The following SLIT3 variants were observed in gnomAD, a reference collection of about 807,000 sequenced individuals.
SLIT3 encodes the protein slit homolog 3 protein.
Under a neutral mutation model 184.0 loss-of-function variants are expected in SLIT3, and 68 were observed. The observed-to-expected ratio is 0.37, with a 90% CI of 0.30 to 0.45. SLIT3 has a LOEUF of 0.45. Among genes scored for constraint, SLIT3 ranks in the 20% least tolerant of loss-of-function variants. SLIT3 has a pLI of 1.00. For synonymous variants in SLIT3, 831 were observed against 828.6 expected, an observed-to-expected ratio of 1.00 and a Z score of -0.05; for missense variants, 1,707 against 2,026.0, an observed-to-expected ratio of 0.84 and a Z score of 3.02.
At chr5:169,196,727 C>A (rs1021710148) in intron 3 of SLIT3, among the ~76,000 whole-genome samples, 2 of 152,162 alleles carry the variant, frequency 1.3e-5, no homozygotes. Context: ...CTACTCAAAG[C>A]CTTTCAATAA....
chr5:169,118,149 G>C (rs547656325), intron 4 of SLIT3, among the ~76,000 whole-genome samples: 2 of 152,302 alleles, frequency 1.3e-5, no homozygotes, highest in South Asian at 4.2e-4. Context: ...ATTCACTCTA[G>C]CCTAGGCGAC....
intron 8 of SLIT3, among the ~76,000 whole-genome samples, chr5:168,810,641 T>C (rs956633569): frequency 2.0e-5 from 3 of 152,220 alleles, no homozygotes; most frequent in Non-Finnish European, 2.9e-5. Flanking sequence ...CTCTGGGCTC[T>C]CTATCTGAAG....
At chr5:169,294,321 T>C (rs1208988806) in intron 1 of SLIT3, among the ~76,000 whole-genome samples, 1 of 138,856 alleles carries the variant, frequency 7.2e-6, no homozygotes, top group Non-Finnish European at 1.6e-5. Context: ...CAAAAATAAA[T>C]AAATAAAATG....
At chr5:169,125,142 G>A (rs1761033892) in intron 4 of SLIT3, among the ~76,000 whole-genome samples, 1 of 152,134 alleles carries the variant, frequency 6.6e-6, no homozygotes, top group South Asian at 2.1e-4. Flanking sequence ...CCGACTGCCT[G>A]GTTCAAGTGA....
chr5:169,290,720 G>A (rs1357154886), intron 1 of SLIT3, among the ~76,000 whole-genome samples: 4 of 146,076 alleles, frequency 2.7e-5, no homozygotes, highest in African/African-American at 1.0e-4. Context: ...TAGGGCATAT[G>A]CTAGGGCACA....
intron 4 of SLIT3, among the ~76,000 whole-genome samples, chr5:168,933,717 A>G (rs1044390401): frequency 6.6e-6 from 1 of 152,184 alleles, no homozygotes; most frequent in African/African-American, 2.4e-5. Context: ...ATGTGAGTAA[A>G]GGGTTGGAGA....
At chr5:168,765,505 G>C in intron 14 of SLIT3, among the ~76,000 whole-genome samples, 1 of 152,164 alleles carries the variant, frequency 6.6e-6, no homozygotes, top group African/African-American at 2.4e-5. Context: ...TCCCCAGTCA[G>C]AGCCAGCCCG....
In SLIT3 at chr5:168,806,456, T is replaced by C. The variant is rs762023421; in HGVS notation, c.925A>G (p.Ile309Val). 4.3e-6 allele frequency: 7 copies of C among 1,614,092 alleles called. No individual in the cohort carries two copies. Among genetic ancestry groups the C allele is most frequent in the African/African-American group, 1.3e-5 (1 of 74,944 alleles). Residue 309 changes from isoleucine (I) to valine (V), a missense_variant, in exon 9 of 36, where the codon ATC becomes GTC. Around this residue, in one of 3 missense-constraint regions of SLIT3, gnomAD observed 1,307 missense variants for 1,511.6 expected, o/e 0.86. Transcript: ENST00000519560. The part of the protein sequence containing the change: ...MEIPANLPEG[I>V]VEIRLEQNSI... ...GACAGGTGCACTTACATTTCGACGA[T>C]GCCCTCCGGCAAGTTGGCAGGAATC...
chr5:168,961,430 G>T (rs1224605699), intron 4 of SLIT3, among the ~76,000 whole-genome samples: 1 of 152,228 alleles, frequency 6.6e-6, no homozygotes, highest in African/African-American at 2.4e-5. Flanking sequence ...AGACTGATGA[G>T]CAGGGTGAGA....
intron 4 of SLIT3, among the ~76,000 whole-genome samples, chr5:169,167,169 C>T (rs1249512053): frequency 7.1e-6 from 1 of 141,622 alleles, no homozygotes; most frequent in Non-Finnish European, 1.5e-5. Context: ...GACCCTGTCT[C>T]TTAAAAACAA....
chr5:168,858,641 C>G (rs1053761154), intron 5 of SLIT3, among the ~76,000 whole-genome samples: 2 of 152,258 alleles, frequency 1.3e-5, no homozygotes, highest in South Asian at 4.1e-4. Flanking sequence ...TCAGCTGCTC[C>G]TGGCCCTCCT....
intron 3 of SLIT3, among the ~76,000 whole-genome samples, chr5:169,234,606 C>T (rs903069315): frequency 1.3e-5 from 2 of 151,954 alleles, no homozygotes; most frequent in African/African-American, 2.4e-5. Flanking sequence ...GAGGTTTCAT[C>T]GAGGTTGGCC....
At chr5:168,756,989 A>G (rs1367603710) in intron 16 of SLIT3, among the ~76,000 whole-genome samples, 1 of 152,192 alleles carries the variant, frequency 6.6e-6, no homozygotes, top group East Asian at 1.9e-4. Flanking sequence ...AGGGGGATAT[A>G]ATTTTCCAGA....
intron 6 of SLIT3, among the ~76,000 whole-genome samples, chr5:168,831,262 G>A (rs930715356): frequency 3.3e-5 from 5 of 151,092 alleles, no homozygotes; most frequent in Non-Finnish European, 5.9e-5. Context: ...TGGGCGATGG[G>A]TCTCCAAGGG....
chr5:169,062,201 A>T (rs1758195028), intron 4 of SLIT3, among the ~76,000 whole-genome samples: 1 of 152,156 alleles, frequency 6.6e-6, no homozygotes, highest in Non-Finnish European at 1.5e-5. Context: ...AAATAAATAC[A>T]TAAATAAAAA....
At chr5:168,763,937 C>T (rs1197736292) in intron 14 of SLIT3, among the ~76,000 whole-genome samples, 1 of 152,154 alleles carries the variant, frequency 6.6e-6, no homozygotes, top group African/African-American at 2.4e-5. Context: ...TTGTTTGCTC[C>T]ACTAGGTGAG....
At chr5:168,889,103 T>C (rs1341873217) in intron 4 of SLIT3, among the ~76,000 whole-genome samples, 1 of 152,180 alleles carries the variant, frequency 6.6e-6, no homozygotes, top group African/African-American at 2.4e-5. Context: ...GGAAAGACAC[T>C]GTTTTGCTTA....
chr5:168,831,833 T>C (rs1471428829), intron 6 of SLIT3, among the ~76,000 whole-genome samples: 1 of 152,250 alleles, frequency 6.6e-6, no homozygotes, highest in Non-Finnish European at 1.5e-5. Flanking sequence ...TCTTTTATTA[T>C]ATATTCATAT....
intron 4 of SLIT3, among the ~76,000 whole-genome samples, chr5:168,922,456 C>CAAAAAAA (rs34132541): frequency 2.4e-5 from 2 of 82,200 alleles, no homozygotes; most frequent in Admixed American, 1.4e-4. Flanking sequence ...GACTCTGTCT[C>CAAAAAAA]AAAAAAAAAA....
Sources: gnomAD v4.1 joint callset for allele counts (sites outside exome capture counted in the v4.1 genomes callset) on GRCh38, gnomAD v4.1.1 for gene constraint, gnomAD v4.1.1 regional missense constraint, MANE v1.5 for transcripts, NCBI Gene and HGNC (gene_info 2026-07-23, HGNC 2026-07-21) for gene names.